The following TANC2 variants were observed in gnomAD, a reference collection of about 807,000 sequenced individuals.
The protein encoded by TANC2 is tetratricopeptide repeat, ankyrin repeat and coiled-coil containing 2, also known as protein TANC2.
In TANC2, 26 loss-of-function variants were observed where a neutral mutation model predicts 210.5. The ratio of observed to expected loss-of-function variants is 0.12; its 90% CI spans 0.09 to 0.17. The LOEUF is 0.17. TANC2 is among the 10% of genes least tolerant of loss of function. The pLI is 1.00. For missense variants in TANC2, 2,129 were observed against 2,608.9 expected, an observed-to-expected ratio of 0.82 and a Z score of 4.01; for synonymous variants, 931 against 967.1, an observed-to-expected ratio of 0.96 and a Z score of 0.69.
At chr17:63,302,599 CTTTTTTTT>C (rs568226580) in intron 9 of TANC2, among the ~76,000 whole-genome samples, 1 of 22,734 alleles carries the variant, frequency 4.4e-5, no homozygotes, top group African/African-American at 1.7e-4. Flanking sequence ...GCAACCCCTG[CTTTTTTTT>C]TTTTTTTTTT....
At position 62,967,832 on chromosome 17, in the gene TANC2, TA is replaced by T. The variant is rs11449236; in HGVS notation, c.-24+1095del. 3.1e-3 allele frequency among the ~76,000 whole-genome samples: 429 copies of T among 136,278 alleles called. 2 individuals are homozygous for T. The highest frequency in any genetic ancestry group is 7.6e-3 in the African/African-American group (283 of 37,144). The allele number at this position is 136,278 out of a possible 152,430, so 89.4% of individuals were successfully genotyped here. A position where few individuals can be genotyped will look rare whatever the true frequency, so the allele number is the denominator to read the frequency against. On this transcript the variant is annotated intron_variant, in intron 1 of 27. Coordinates refer to ENST00000689528, the Ensembl canonical transcript of TANC2. Reference sequence around the variant, plus strand: ...TGTTCTTGGTGTTGGGATGGTGAAATAAAAAAAAAAAAGAATACAGTAAATT... The same window carrying T: ...TGTTCTTGGTGTTGGGATGGTGAAATAAAAAAAAAAAGAATACAGTAAATT...
At chr17:63,061,863 C>T (rs2036009646) in intron 2 of TANC2, among the ~76,000 whole-genome samples, 1 of 152,034 alleles carries the variant, frequency 6.6e-6, no homozygotes, top group Non-Finnish European at 1.5e-5. Context: ...CTCTTAAGAT[C>T]ATTTTGTTTA....
In TANC2 at chr17:63,366,975, A is replaced by G. The variant is rs148458325; in HGVS notation, c.2582+11585A>G. The stretch of plus-strand genomic sequence containing the variant: ...CAACTAAAGTTTAACTGTTGGCAGA[A>G]TTTTTAAGAAGAGAAGTGGAAAAGA... On this transcript the variant is annotated intron_variant, in intron 14 of 27. Coordinates refer to ENST00000689528, the Ensembl canonical transcript of TANC2. Among the ~76,000 whole-genome samples, 128 of 152,360 alleles carry G rather than the reference A, an allele frequency of 8.4e-4. 1 individual carries two copies. Among genetic ancestry groups the G allele is most frequent in the Non-Finnish European group, 1.5e-3 (105 of 68,028 alleles).
At chr17:63,100,791 G>C (rs17682676) in intron 4 of TANC2, among the ~76,000 whole-genome samples, 4,483 of 152,200 alleles carry the variant, frequency 0.029, 83 homozygotes, top group South Asian at 0.037. Context: ...AATAGTCAAC[G>C]TTTATTAAGA....
At chr17:63,085,740 T>C (rs1299103163) in intron 3 of TANC2, among the ~76,000 whole-genome samples, 4 of 152,172 alleles carry the variant, frequency 2.6e-5, no homozygotes, top group African/African-American at 9.6e-5. Context: ...CACACAAGCA[T>C]ACATAATCAA....
intron 11 of TANC2, among the ~76,000 whole-genome samples, chr17:63,335,985 G>T (rs901661987): frequency 6.6e-6 from 1 of 152,052 alleles, no homozygotes; most frequent in Non-Finnish European, 1.5e-5. Flanking sequence ...AAATGGTAGG[G>T]CTCCAAGCTG....
intron 2 of TANC2, among the ~76,000 whole-genome samples, chr17:63,042,621 A>G (rs933510421): frequency 2.0e-5 from 3 of 152,192 alleles, no homozygotes; most frequent in African/African-American, 7.2e-5. Flanking sequence ...ACTCGATTAC[A>G]GCATGAAAAC....
chr17:63,013,762 TAAAAAA>T lies in TANC2; in HGVS notation c.67+4156_67+4161del, dbSNP rs34126221. ...GGGCGACAGAGTGAGACCCTGTCTTTAAAAAAAAAAAAAAAAAAAAAAAAATCTTTA... is the reference window on the plus strand; with the variant it reads ...GGGCGACAGAGTGAGACCCTGTCTTTAAAAAAAAAAAAAAAAAAATCTTTA... On this transcript the variant is annotated intron_variant, in intron 2 of 27. Coordinates refer to ENST00000689528, the Ensembl canonical transcript of TANC2. Among the ~76,000 whole-genome samples the T allele has an allele frequency of 4.1e-3, 420 of 101,768 alleles. 2 individuals are homozygous for T. The highest frequency in any genetic ancestry group is 0.015 in the African/African-American group (390 of 26,346). 66.8% of individuals were successfully genotyped at this position (101,768 alleles called of 152,430 possible).
intron 4 of TANC2, among the ~76,000 whole-genome samples, chr17:63,123,821 C>T (rs935330102): frequency 6.7e-6 from 1 of 148,566 alleles, no homozygotes; most frequent in Non-Finnish European, 1.5e-5. Context: ...TCTGCCTCAG[C>T]CTCCCGAGTA....
chr17:63,295,423 C>G (rs1458609148), intron 9 of TANC2, among the ~76,000 whole-genome samples: 1 of 152,220 alleles, frequency 6.6e-6, no homozygotes, highest in Non-Finnish European at 1.5e-5. Context: ...TGAGTCTGTA[C>G]TTATTCCATG....
chr17:63,331,262 A>G (rs2045830745), intron 11 of TANC2, among the ~76,000 whole-genome samples: 1 of 152,228 alleles, frequency 6.6e-6, no homozygotes. Context: ...TATAAATAAC[A>G]TTGTGATCCA....
rs751268334 is a variant in TANC2, at chr17:63,420,168, G to C, written c.4438G>C (p.Glu1480Gln). 3 of 1,570,516 alleles carry C rather than the reference G, an allele frequency of 1.9e-6. No homozygotes were observed. The highest frequency in any genetic ancestry group is 1.9e-5 in the Admixed American group (1 of 52,818). ...TCAGCAGCAGTTGCCGGAAGAAGCA[G>C]AACCTGAGCCACAGCATGAAGACAT... Residue 1480 changes from glutamate to glutamine, a missense_variant, in exon 28 of 28, where the codon GAA (glutamate) becomes CAA (glutamine). Transcript: ENST00000689528. This position sits in a 1 kb window ranked among gnomAD's most constrained non-coding sequence, Gnocchi z 4.2.
In TANC2 at chr17:63,389,831, A is replaced by G. The variant is rs966588610; in HGVS notation, c.3051+287A>G. The G allele has an allele frequency of 1.5e-4, 60 of 389,218 alleles. No homozygotes were observed. In the East Asian group the frequency reaches 3.4e-3, roughly 22 times the overall value. The allele number at this position is 389,218 out of a possible 1,614,324, so 24.1% of individuals were successfully genotyped here. On this transcript the variant is annotated intron_variant, in intron 17 of 27. Coordinates refer to ENST00000689528, the Ensembl canonical transcript of TANC2. Reference sequence around the variant, plus strand: ...CCAGAAATGATCTATTGAGCTCAGAAGAAGCCTCTTTTTAACAAAGAGAGG... The same window carrying G: ...CCAGAAATGATCTATTGAGCTCAGAGGAAGCCTCTTTTTAACAAAGAGAGG...
chr17:63,003,794 A>G (rs915552835), intron 1 of TANC2, among the ~76,000 whole-genome samples: 1 of 152,150 alleles, frequency 6.6e-6, no homozygotes, highest in Non-Finnish European at 1.5e-5. Context: ...TAAATTTTTA[A>G]TAACCTCCAA....
intron 9 of TANC2, among the ~76,000 whole-genome samples, chr17:63,304,211 C>T (rs576621509): frequency 6.6e-6 from 1 of 152,258 alleles, no homozygotes; most frequent in Non-Finnish European, 1.5e-5. Flanking sequence ...TCTTTCTCCT[C>T]TTCATGAGTC....
At chr17:62,997,794 T>C (rs2033188057) in intron 1 of TANC2, among the ~76,000 whole-genome samples, 1 of 152,220 alleles carries the variant, frequency 6.6e-6, no homozygotes, top group Non-Finnish European at 1.5e-5. Context: ...GAAACTTGTT[T>C]CTCAGACTGG....
chr17:63,332,623 C>A (rs891913265), intron 11 of TANC2: 1 of 207,068 alleles, frequency 4.8e-6, no homozygotes, highest in Admixed American at 5.6e-5. Context: ...AGCTTGTCTT[C>A]CCTGGCCAGG....
intron 6 of TANC2, among the ~76,000 whole-genome samples, chr17:63,194,864 A>G (rs1388904969): frequency 1.3e-5 from 2 of 151,826 alleles, no homozygotes; most frequent in Non-Finnish European, 2.9e-5. Context: ...TCTTTTTGCT[A>G]TTTTCATTTT....
At chr17:63,382,065 T>G (rs1400063880) in intron 15 of TANC2, among the ~76,000 whole-genome samples, 6 of 152,188 alleles carry the variant, frequency 3.9e-5, no homozygotes, top group Non-Finnish European at 5.9e-5. Context: ...TGAACCAAAC[T>G]GACGCTCTTT....
Sources: allele counts gnomAD v4.1 joint callset (sites outside exome capture counted in the v4.1 genomes callset), GRCh38; gene constraint gnomAD v4.1.1; non-coding constraint Gnocchi (gnomAD v3.1); transcripts MANE v1.5; gene names NCBI Gene and HGNC (gene_info 2026-07-23, HGNC 2026-07-21).